Variants in C1R observed in about 807,000 individuals in gnomAD.
The protein encoded by C1R is complement C1r subcomponent.
In C1R, 15 loss-of-function variants were observed where a neutral mutation model predicts 27.6. The ratio of observed to expected loss-of-function variants is 0.54; its 90% CI spans 0.36 to 0.84. The LOEUF is 0.84. Ranked by LOEUF, C1R falls within the 40% of genes least tolerant of loss-of-function variation. The pLI is 0.01. For missense variants in C1R, 544 were observed against 577.9 expected (o/e 0.94, Z 0.60); for synonymous variants, 253 against 228.8 (o/e 1.11, Z -0.95).
chr12:7,088,790 C>T (rs1182343650), intron 6 of C1R, 49 bp downstream of exon 6: 1 of 774,696 alleles, frequency 1.3e-6, no homozygotes, highest in East Asian at 2.4e-5. Flanking sequence ...CCTTCTTCCC[C>T]CCTTTTCCCC....
In C1R at chr12:7,081,108, G is replaced by A. The variant is rs762138868; in HGVS notation, c.1542C>T (p.Asn514=). ...GGCCCAGGAACACATCCAAAGAGGC[G>A]TTGCTTTGCGCTTCGTGTTCCTTGG... is the stretch of plus-strand genomic sequence containing the variant. ...LYPKEHEAQS[N]ASLDVFLGHT... is the part of the protein sequence containing the mutation. Residue 514 remains asparagine (N), a synonymous_variant, in exon 11 of 11, where the codon AAC becomes AAT. Transcript: ENST00000647956. The A allele has an allele frequency of 8.1e-6, 13 of 1,613,944 alleles. No homozygotes were observed. Among genetic ancestry groups the A allele is most frequent in the East Asian group, 2.2e-5 (1 of 44,904 alleles).
At position 7,081,207 on chromosome 12, in the gene C1R, G is replaced by T. The variant is rs763284532; in HGVS notation, c.1443C>A (p.Thr481=). The T allele has an allele frequency of 3.1e-6, 5 of 1,613,418 alleles. No individual in the cohort carries two copies. Among genetic ancestry groups the T allele is most frequent in the Non-Finnish European group, 4.2e-6 (5 of 1,179,600 alleles). The change falls in exon 11 of 11, where the codon ACC becomes ACA. Residue 481 remains threonine, a synonymous_variant. Coordinates refer to ENST00000647956, the MANE Select transcript of C1R (RefSeq NM_001733.7). The stretch of plus-strand genomic sequence containing the variant: ...CCCCGCCCCCGCGCCCGTGGATGTT[G>T]GTGAACACCTGCCAGGGGAAGTTGC... ...KMGNFPWQVF[T]NIHGRGGGAL... is the part of the protein sequence containing the mutation.
intron 9 of C1R, among the ~76,000 whole-genome samples, chr12:7,084,775 G>A (rs1388763954): frequency 6.7e-6 from 1 of 149,760 alleles, no homozygotes; most frequent in African/African-American, 2.5e-5. Context: ...TGATGGTAGT[G>A]TTGGTGTTGG....
intron 7 of C1R, among the ~76,000 whole-genome samples, chr12:7,088,063 G>A (rs1404218165): frequency 6.6e-6 from 1 of 152,168 alleles, no homozygotes; most frequent in African/African-American, 2.4e-5. Context: ...GTGTAAAAGA[G>A]CCCCGGAGCA....
intron 7 of C1R, chr12:7,086,725 C>T (rs1317519220): frequency 6.3e-6 from 2 of 317,296 alleles, no homozygotes; most frequent in Non-Finnish European, 1.1e-5. Context: ...AGACTGTGGC[C>T]TGTTCCTACT....
In C1R at chr12:7,089,709, C is replaced by G; in HGVS notation, c.449G>C (p.Ser150Thr). ...AVDLDECASRSKSGEEDPQPQ... is the reference protein window; with the variant it reads ...AVDLDECASRTKSGEEDPQPQ... ...CTGGGGATCCTCCTCCCCTGATTTG[C>G]TCCGGGAAGCACATTCATCAAGGTC... is the stretch of plus-strand genomic sequence containing the variant. The change falls in exon 4 of 11, where the codon AGC becomes ACC. Residue 150 changes from serine to threonine, a missense_variant. This residue lies in a region of C1R where 291 missense variants were observed against 209.0 expected (regional missense o/e 1.39). Transcript: ENST00000647956. 1 of 780,862 alleles carries G rather than the reference C, an allele frequency of 1.3e-6. No individual in the cohort carries two copies. The highest frequency in any genetic ancestry group is 1.3e-5 in the South Asian group (1 of 74,622). The allele number at this position is 780,862 out of a possible 1,614,324, so 48.4% of individuals were successfully genotyped here. A position where few individuals can be genotyped will look rare whatever the true frequency, so the allele number is the denominator to read the frequency against.
chr12:7,088,788 C>T (rs1175421329), intron 6 of C1R, 51 bp downstream of exon 6: 12 of 774,704 alleles, frequency 1.5e-5, no homozygotes, highest in East Asian at 9.7e-5. Context: ...TTCCTTCTTC[C>T]CCCCTTTTCC....
rs139549351 is a variant in C1R at position 7,081,378 on chromosome 12, C to T, written c.1349-77G>A. On this transcript the variant is annotated intron_variant, in intron 10 of 10. Transcript: ENST00000647956. Reference sequence around the variant, plus strand: ...TCTTCCTTCTGCAGCCAGCCAGCTCCCTGTTTGCCCTCTCTTTTTGGCTTC... The same window carrying T: ...TCTTCCTTCTGCAGCCAGCCAGCTCTCTGTTTGCCCTCTCTTTTTGGCTTC... The T allele has an allele frequency of 1.5e-4, 202 of 1,329,278 alleles. No homozygotes were observed. In the African/African-American group the frequency reaches 2.4e-3, roughly 16 times the overall value. The allele number at this position is 1,329,278 out of a possible 1,614,324, so 82.3% of individuals were successfully genotyped here. A position where few individuals can be genotyped will look rare whatever the true frequency, so the allele number is the denominator to read the frequency against.
chr12:7,089,622 C>T lies in C1R; in HGVS notation c.536G>A (p.Gly179Asp), dbSNP rs767512802. 2.6e-6 allele frequency: 2 copies of T among 780,934 alleles called. No homozygotes were observed. The highest frequency in any genetic ancestry group is 2.3e-4 in the Middle Eastern group (1 of 4,442). 48.4% of individuals were successfully genotyped at this position (780,934 alleles called of 1,614,324 possible). Residue 179 changes from glycine (G) to aspartate (D), a missense_variant, in exon 4 of 11, where the codon GGC becomes GAC. By Grantham distance (94) the Gly-to-Asp change is moderately conservative. Around this residue, in one of 2 missense-constraint regions of C1R, gnomAD observed 291 missense variants for 209.0 expected, o/e 1.39. Transcript: ENST00000647956. ...ATGCCTGTCTTCCTGAAGCTCATAG[C>T]CTGGACGGCAGGAACAGAAGTAGCC... ...VGGYFCSCRP[G>D]YELQEDRHSC...
intron 9 of C1R, among the ~76,000 whole-genome samples, chr12:7,085,635 G>C (rs1938145285): frequency 6.6e-6 from 1 of 152,018 alleles, no homozygotes; most frequent in Non-Finnish European, 1.5e-5. Flanking sequence ...GGATGATGTG[G>C]TGACAGTGAG....
intron 10 of C1R, 120 bp downstream of exon 10, chr12:7,081,912 C>T: frequency 1.3e-6 from 1 of 781,278 alleles, no homozygotes; most frequent in Non-Finnish European, 2.0e-6. Flanking sequence ...TCCCTCTCTC[C>T]CTTTCTCCTG....
intron 7 of C1R, chr12:7,087,888 A>G (rs1260631987): frequency 6.4e-6 from 1 of 155,620 alleles, no homozygotes. Context: ...TTCCATGTGG[A>G]CCTGTTGAAC....
rs770512843 is a variant in C1R, at chr12:7,081,171, G to A, written c.1479C>T (p.Gly493=). Residue 493 remains glycine (G), a synonymous_variant, in exon 11 of 11, where the codon GGC becomes GGT. Coordinates refer to ENST00000647956, the MANE Select transcript of C1R (RefSeq NM_001733.7). ...IHGRGGGALL[G]DRWILTAAHT... ...GGGCAGCTGTGAGGATCCAGCGGTC[G>A]CCCAGCAGGGCCCCGCCCCCGCGCC... The A allele has an allele frequency of 8.1e-6, 13 of 1,613,734 alleles. No homozygotes were observed. In the African/African-American group the frequency reaches 1.1e-4, roughly 13 times the overall value.
At chr12:7,089,159 C>G in intron 5 of C1R, 134 bp downstream of exon 5, 2 of 644,942 alleles carry the variant, frequency 3.1e-6, no homozygotes, top group South Asian at 3.5e-5. Flanking sequence ...TGTGTGGGAA[C>G]TTACCCAGCC....
intron 2 of C1R, 97 bp from the exon 3 acceptor site, chr12:7,090,345 T>C: frequency 1.6e-6 from 1 of 643,092 alleles, no homozygotes; most frequent in Non-Finnish European, 2.8e-6. Flanking sequence ...CCAGAGTGCA[T>C]CATGCACCAC....
At chr12:7,085,170 T>C (rs1938129313) in intron 9 of C1R, among the ~76,000 whole-genome samples, 1 of 150,132 alleles carries the variant, frequency 6.7e-6, no homozygotes, top group Non-Finnish European at 1.5e-5. Flanking sequence ...GTGGTGTTGG[T>C]GTCAGTAATG....
Position 7,091,894 on chromosome 12 carries a change from A to G in C1R, c.3-214T>C. ...CGGGTCACTCTCCAGGGCAGTGTCC[A>G]GTCCAGAGGCCACCACACTCCCCTC... On this transcript the variant is annotated intron_variant, in intron 1 of 10. Transcript: ENST00000647956. This position sits in a 1 kb window ranked among gnomAD's most constrained non-coding sequence, Gnocchi z 5.1. 1 of 687,972 alleles carries G rather than the reference A, an allele frequency of 1.5e-6. No homozygotes were observed. The highest frequency in any genetic ancestry group is 1.5e-5 in the South Asian group (1 of 66,476). The allele number at this position is 687,972 out of a possible 1,614,324, so 42.6% of individuals were successfully genotyped here.
Position 7,088,960 on chromosome 12 carries a change from GC to G in C1R, c.794del (p.Gly265AlafsTer51). ...GGGGCCTTTGCTTCCCACAGAACTC[GC>G]CAATGTTCTTCCCGTTGGCATAGAT... The part of the protein sequence containing the change: ...LQIYANGKNI[G>X]EFCGKQRPPD... On this transcript the variant is annotated frameshift_variant, in exon 6 of 11. Transcript: ENST00000647956. LOFTEE classifies it high-confidence loss of function. 1 of 751,198 alleles carries G rather than the reference GC, an allele frequency of 1.3e-6. No homozygotes were observed. The highest frequency in any genetic ancestry group is 1.4e-5 in the South Asian group (1 of 70,086). 46.5% of individuals were successfully genotyped at this position (751,198 alleles called of 1,614,324 possible).
In C1R at chr12:7,088,879, C is replaced by G. The variant is rs570489350; in HGVS notation, c.876G>C (p.Ser292=). ...GCAGCTTCCAGCCCCGGCTGTCCCC[C>G]GACTCATCTGTGAAGAACAGCAGAT... ...AVDLLFFTDE[S]GDSRGWKLRY... Residue 292 remains serine (S), a synonymous_variant, in exon 6 of 11, where the codon TCG becomes TCC. Transcript: ENST00000647956. 23 of 776,874 alleles carry G rather than the reference C, an allele frequency of 3.0e-5. No homozygotes were observed. Among genetic ancestry groups the G allele is most frequent in the Non-Finnish European group, 5.0e-5 (21 of 416,828 alleles). 48.1% of individuals were successfully genotyped at this position (776,874 alleles called of 1,614,324 possible).
Sources: gnomAD v4.1 joint callset for allele counts (sites outside exome capture counted in the v4.1 genomes callset) on GRCh38, gnomAD v4.1.1 for gene constraint, gnomAD v4.1.1 regional missense constraint, Gnocchi (gnomAD v3.1) non-coding constraint, MANE v1.5 for transcripts, NCBI Gene and HGNC (gene_info 2026-07-23, HGNC 2026-07-21) for gene names.